The following RIPOR2 variants were observed in gnomAD, a reference collection of about 807,000 sequenced individuals.
RIPOR2 encodes RHO family interacting cell polarization regulator 2, also known as rho family-interacting cell polarization regulator 2.
A neutral mutation model predicts 114.5 loss-of-function variants in RIPOR2; 39 were observed. The ratio of observed to expected loss-of-function variants is 0.34; its 90% confidence interval spans 0.26 to 0.44. The LOEUF (loss-of-function observed/expected upper bound fraction) is 0.44, where lower values mean the gene tolerates loss of function less well. Ranked by LOEUF, RIPOR2 falls within the 20% of genes least tolerant of loss-of-function variation. The pLI, the probability that RIPOR2 is intolerant of heterozygous loss-of-function variation, is 1.00. For synonymous variants in RIPOR2, 445 were observed against 484.4 expected, an observed-to-expected ratio of 0.92 and a Z score of 1.07; for missense variants, 1,007 against 1,255.1, an observed-to-expected ratio of 0.80 and a Z score of 2.99.
intron 1 of RIPOR2, among the ~76,000 whole-genome samples, chr6:24,921,763 T>A (rs1770515681): frequency 6.6e-6 from 1 of 152,020 alleles, no homozygotes; most frequent in Non-Finnish European, 1.5e-5. Flanking sequence ...CTGCTGTACC[T>A]GAGAGCCAGA....
chr6:25,000,682 C>T (rs1224057295), intron 1 of RIPOR2, among the ~76,000 whole-genome samples: 1 of 150,902 alleles, frequency 6.6e-6, no homozygotes, highest in Non-Finnish European at 1.5e-5. Flanking sequence ...TCTTTCTGCT[C>T]TTGGTGGGGC....
At chr6:24,863,103 C>T (rs1157017183) in intron 7 of RIPOR2, among the ~76,000 whole-genome samples, 2 of 152,078 alleles carry the variant, frequency 1.3e-5, no homozygotes, top group African/African-American at 4.8e-5. Flanking sequence ...CAGGTGCCCG[C>T]CACCACGCCC....
intron 1 of RIPOR2, among the ~76,000 whole-genome samples, chr6:24,922,083 G>A (rs757819339): frequency 9.2e-5 from 14 of 151,658 alleles, no homozygotes; most frequent in South Asian, 2.1e-4. Context: ...CGTCCTCCTC[G>A]GCCTCCCAAA....
At chr6:25,006,312 T>C (rs1474892946) in intron 1 of RIPOR2, among the ~76,000 whole-genome samples, 2 of 152,230 alleles carry the variant, frequency 1.3e-5, no homozygotes, top group African/African-American at 2.4e-5. Context: ...AGCACTTTAC[T>C]AGAGTTAAAA....
In RIPOR2 at chr6:24,828,250, A is replaced by G; in HGVS notation, c.2552T>C (p.Leu851Pro). The part of the protein sequence containing the change: ...VSQILDRAEP[L>P]LSSSLSSEVV... Reference sequence around the variant, plus strand: ...TTCCGAGGACAGGCTGGAGGAAAGCAGAGGCTCAGCCCGGTCCAGAATTTG... The same window carrying G: ...TTCCGAGGACAGGCTGGAGGAAAGCGGAGGCTCAGCCCGGTCCAGAATTTG... The change falls in exon 18 of 22, where the codon CTG becomes CCG. Residue 851 changes from leucine (L) to proline (P), a missense_variant. Leu to Pro is a moderately conservative substitution (Grantham distance 98). Transcript: ENST00000643898. 6.4e-7 allele frequency: 1 copy of G among 1,551,342 alleles called. No homozygotes were observed. The highest frequency in any genetic ancestry group is 8.7e-7 in the Non-Finnish European group (1 of 1,146,724).
At chr6:24,890,352 C>T (rs1426235511) in intron 1 of RIPOR2, among the ~76,000 whole-genome samples, 1 of 152,156 alleles carries the variant, frequency 6.6e-6, no homozygotes, top group African/African-American at 2.4e-5. Context: ...TTTGCAGCAA[C>T]ATGGGTGGAA....
chr6:24,918,114 C>T (rs1403727465), intron 1 of RIPOR2, among the ~76,000 whole-genome samples: 1 of 152,170 alleles, frequency 6.6e-6, no homozygotes, highest in East Asian at 1.9e-4. Flanking sequence ...CAATGGGGAT[C>T]CCCAACAGGA....
At position 24,860,995 on chromosome 6, in the gene RIPOR2, T is replaced by C; in HGVS notation, c.693A>G (p.Gly231=). ...TACCTTTCATCTTGATGGAGAATTC[T>C]CCCAGCAGATTCTCTAGCTCCACTT... is the stretch of plus-strand genomic sequence containing the variant. ...TIEVELENLL[G]EFSIKMKGLA... Residue 231 remains glycine, a synonymous_variant, in exon 8 of 22, where the codon GGA becomes GGG. Coordinates refer to ENST00000643898, the MANE Select transcript of RIPOR2 (RefSeq NM_001286445.3). 6.2e-7 allele frequency: 1 copy of C among 1,608,730 alleles called. No homozygotes were observed. The highest frequency in any genetic ancestry group is 8.5e-7 in the Non-Finnish European group (1 of 1,176,078).
At chr6:24,974,902 T>A (rs986491800) in intron 1 of RIPOR2, among the ~76,000 whole-genome samples, 6 of 152,154 alleles carry the variant, frequency 3.9e-5, no homozygotes, top group African/African-American at 1.4e-4. Context: ...AAAAACTACA[T>A]ATTGTATGAG....
intron 1 of RIPOR2, among the ~76,000 whole-genome samples, chr6:24,896,323 T>C (rs1207552109): frequency 6.6e-6 from 1 of 152,188 alleles, no homozygotes; most frequent in South Asian, 2.1e-4. Context: ...GGTCAATTAA[T>C]GGAAAGTGCT....
rs1306374777 is a variant in RIPOR2, at chr6:24,835,747, T to C, written c.2164A>G (p.Ile722Val). 3 of 1,551,544 alleles carry C rather than the reference T, an allele frequency of 1.9e-6. No individual in the cohort carries two copies. The highest frequency in any genetic ancestry group is 1.7e-6 in the Non-Finnish European group (2 of 1,146,958). ...TACTGGAGGTGCCTGACGATGGTGA[T>C]GTCCAGGCTCTCGTTGCCTGTGGTC... ...PLTTGNESLD[I>V]TIVRHLQYCT... Residue 722 changes from isoleucine to valine, a missense_variant, in exon 15 of 22, where the codon ATC (isoleucine) becomes GTC (valine). Coordinates refer to ENST00000643898, the MANE Select transcript of RIPOR2 (RefSeq NM_001286445.3).
upstream of RIPOR2, among the ~76,000 whole-genome samples, chr6:24,940,887 A>C (rs925948507): frequency 6.6e-6 from 1 of 152,178 alleles, no homozygotes; most frequent in Non-Finnish European, 1.5e-5. Context: ...CTCCTGACCT[A>C]AAGTGATCTG....
At chr6:24,922,239 G>A (rs1027741135) in intron 1 of RIPOR2, among the ~76,000 whole-genome samples, 6 of 152,154 alleles carry the variant, frequency 3.9e-5, no homozygotes, top group Admixed American at 1.3e-4. Flanking sequence ...ATCTCTAGAG[G>A]AGCCTCAGTA....
At chr6:25,024,595 G>T (rs987351992) in intron 1 of RIPOR2, 6 of 485,208 alleles carry the variant, frequency 1.2e-5, no homozygotes, top group Non-Finnish European at 2.3e-5. Context: ...AGAGCAGTCA[G>T]ATTTTTTAAC....
In RIPOR2 at chr6:25,005,740, T is replaced by TAC. The variant is rs1554130567; in HGVS notation, c.76+36109_76+36110dup. Reference sequence around the variant, plus strand: ...ATATATATATATATATATATATATATACATTTACCGATCAAAAGATATGCC... The same window carrying TAC: ...ATATATATATATATATATATATATATACACATTTACCGATCAAAAGATATGCC... On this transcript the variant is annotated intron_variant, in intron 1 of 13. Coordinates refer to the RIPOR2 transcript ENST00000510784. Among the ~76,000 whole-genome samples the TAC allele has an allele frequency of 7.0e-3, 730 of 104,494 alleles. 87 individuals are homozygous for TAC. The highest frequency in any genetic ancestry group is 0.046 in the East Asian group (120 of 2,598). The allele number at this position is 104,494 out of a possible 152,430, so 68.6% of individuals were successfully genotyped here.
intron 1 of RIPOR2, among the ~76,000 whole-genome samples, chr6:25,008,219 T>C (rs1775636371): frequency 6.6e-6 from 1 of 151,462 alleles, no homozygotes. Context: ...TTTTCAACCA[T>C]GTTGGTCAAG....
chr6:24,958,443 A>T (rs622893), intron 1 of RIPOR2, among the ~76,000 whole-genome samples: 1 of 151,910 alleles, frequency 6.6e-6, no homozygotes, highest in Non-Finnish European at 1.5e-5. Flanking sequence ...AAATAAACAC[A>T]TTTCTATTTC....
At chr6:24,839,327 A>G in intron 13 of RIPOR2, 55 bp from the exon 14 acceptor site, 3 of 1,498,110 alleles carry the variant, frequency 2.0e-6, no homozygotes, top group Non-Finnish European at 2.7e-6. Context: ...AAGAGAAACC[A>G]GACACACGAT....
chr6:25,004,196 G>A (rs1056376083), intron 1 of RIPOR2, among the ~76,000 whole-genome samples: 3 of 152,116 alleles, frequency 2.0e-5, no homozygotes, highest in Admixed American at 1.3e-4. Flanking sequence ...CAACCACAAT[G>A]ATACCCAAAC....
Sources: allele counts gnomAD v4.1 joint callset (sites outside exome capture counted in the v4.1 genomes callset), GRCh38; gene constraint gnomAD v4.1.1; transcripts MANE v1.5; gene names NCBI Gene and HGNC (gene_info 2026-07-23, HGNC 2026-07-21).